The following C14orf39 variants were observed in gnomAD, a reference collection of about 807,000 sequenced individuals.
The protein encoded by C14orf39 is chromosome 14 open reading frame 39.
A neutral mutation model predicts 85.6 loss-of-function variants in C14orf39; 66 were observed. The observed-to-expected ratio is 0.77, with a 90% CI of 0.63 to 0.95. C14orf39 has a LOEUF of 0.95. Among genes scored for constraint, C14orf39 ranks in the 40% least tolerant of loss-of-function variants. The pLI, the probability that C14orf39 is intolerant of heterozygous loss-of-function variation, is 0.00. For missense variants in C14orf39, 735 were observed against 663.9 expected (o/e 1.11, Z -1.18); for synonymous variants, 242 against 214.0 (o/e 1.13, Z -1.14).
At chr14:60,482,224 A>G (rs1892673038) in intron 4 of C14orf39, among the ~76,000 whole-genome samples, 1 of 152,216 alleles carries the variant, frequency 6.6e-6, no homozygotes, top group Non-Finnish European at 1.5e-5. Context: ...CGGGGAAACT[A>G]TTAGTACTTT....
chr14:60,440,525 A>G (rs907802235), intron 17 of C14orf39, among the ~76,000 whole-genome samples: 6 of 152,136 alleles, frequency 3.9e-5, no homozygotes, highest in African/African-American at 1.2e-4. Context: ...CTACTCATCA[A>G]TTCTCACTTT....
At chr14:60,472,963 CCCTGAGGAATTGCCACACTGACTTCCA>C (rs1174585108) in intron 5 of C14orf39, among the ~76,000 whole-genome samples, 2 of 152,120 alleles carry the variant, frequency 1.3e-5, no homozygotes, top group Non-Finnish European at 2.9e-5. Context: ...AGTTCTAGAT[CCCTGAGGAATTGCCACACTGACTTCCA>C]CAATGGTTGA....
At chr14:60,504,282 C>A (rs1022463894) in intron 1 of C14orf39, among the ~76,000 whole-genome samples, 1 of 152,186 alleles carries the variant, frequency 6.6e-6, no homozygotes, top group Non-Finnish European at 1.5e-5. Flanking sequence ...AAGGCTGATG[C>A]CTCTATTTGA....
chr14:60,514,498 AAC>A (rs1237680788), intron 1 of C14orf39, among the ~76,000 whole-genome samples: 1 of 152,128 alleles, frequency 6.6e-6, no homozygotes, highest in African/African-American at 2.4e-5. Context: ...CACCAAAAAA[AAC>A]GACGGCCCCT....
intron 1 of C14orf39, chr14:60,509,381 G>T: frequency 6.3e-7 from 1 of 1,598,136 alleles, no homozygotes; most frequent in African/African-American, 1.3e-5. Context: ...TGCCCTCGCC[G>T]CCGCCGGCAC....
intron 17 of C14orf39, among the ~76,000 whole-genome samples, chr14:60,438,526 T>G (rs562604953): frequency 6.6e-6 from 1 of 152,162 alleles, no homozygotes; most frequent in African/African-American, 2.4e-5. Flanking sequence ...AAAGAACACA[T>G]TACTGTGCAA....
intron 1 of C14orf39, among the ~76,000 whole-genome samples, chr14:60,507,322 G>C (rs1465819806): frequency 1.3e-5 from 2 of 152,072 alleles, no homozygotes; most frequent in Non-Finnish European, 2.9e-5. Context: ...TCTGCACCGC[G>C]GATTCTCCTC....
chr14:60,485,394 T>C (rs1249365820), intron 1 of C14orf39, among the ~76,000 whole-genome samples: 1 of 152,248 alleles, frequency 6.6e-6, no homozygotes, highest in African/African-American at 2.4e-5. Flanking sequence ...CTTCCAGGGT[T>C]CACGGACACC....
At chr14:60,509,051 A>T in intron 1 of C14orf39, 1 of 341,924 alleles carries the variant, frequency 2.9e-6, no homozygotes. Flanking sequence ...GTGCTGAAAT[A>T]GTCCTGGCGT....
intron 1 of C14orf39, among the ~76,000 whole-genome samples, chr14:60,508,118 G>C (rs1266181783): frequency 6.6e-6 from 1 of 152,162 alleles, no homozygotes; most frequent in East Asian, 1.9e-4. Flanking sequence ...CCGCATTGTC[G>C]TGGATGCCCT....
intron 5 of C14orf39, among the ~76,000 whole-genome samples, chr14:60,476,803 C>T (rs1406543746): frequency 1.3e-5 from 2 of 152,082 alleles, no homozygotes; most frequent in Non-Finnish European, 2.9e-5. Flanking sequence ...CTTTAGAGGA[C>T]CCAGAGGAGA....
At chr14:60,449,196 A>C (rs926167573) in intron 16 of C14orf39, among the ~76,000 whole-genome samples, 2 of 152,104 alleles carry the variant, frequency 1.3e-5, no homozygotes, top group Non-Finnish European at 2.9e-5. Context: ...TAAAAAAAGA[A>C]GTTTAGATTT....
chr14:60,483,969 C>T, intron 3 of C14orf39, 152 bp from the exon 4 acceptor site: 1 of 552,012 alleles, frequency 1.8e-6, no homozygotes, highest in Non-Finnish European at 3.1e-6. Flanking sequence ...GGACCGTATA[C>T]TAAAATGCAG....
intron 17 of C14orf39, among the ~76,000 whole-genome samples, chr14:60,441,050 A>C (rs544455991): frequency 6.6e-6 from 1 of 152,292 alleles, no homozygotes; most frequent in South Asian, 2.1e-4. Context: ...GTAAAAAATT[A>C]ACATCAAGCC....
chr14:60,441,305 G>A (rs946843794), intron 17 of C14orf39, among the ~76,000 whole-genome samples: 20 of 152,310 alleles, frequency 1.3e-4, no homozygotes, highest in African/African-American at 4.6e-4. Context: ...CATGCAACAT[G>A]CCTTTTGTCC....
intron 1 of C14orf39, chr14:60,509,898 T>A: frequency 6.2e-7 from 1 of 1,612,894 alleles, no homozygotes; most frequent in Non-Finnish European, 8.5e-7. Context: ...GCAACCGGAC[T>A]GACCCCTACG....
At chr14:60,507,922 G>A (rs957141708) in intron 1 of C14orf39, among the ~76,000 whole-genome samples, 11 of 152,148 alleles carry the variant, frequency 7.2e-5, no homozygotes, top group African/African-American at 2.2e-4. Context: ...CCCTACCACA[G>A]GCCCAGATGA....
Position 60,461,414 on chromosome 14 carries a change from T to C in C14orf39, c.1059-2A>G, listed in dbSNP as rs1891523393. On this transcript the variant is annotated splice_acceptor_variant, in intron 12 of 17. Coordinates refer to ENST00000321731, the MANE Select transcript of C14orf39 (RefSeq NM_174978.3). LOFTEE classifies it high-confidence loss of function. ...GATTGTTTCTGTGGGGTTAACAATC[T>C]AAAATGGAATAAATATAATTTTTGT... The C allele has an allele frequency of 5.0e-6, 8 of 1,604,602 alleles. No homozygotes were observed. The highest frequency in any genetic ancestry group is 1.1e-5 in the South Asian group (1 of 89,808).
In C14orf39 at chr14:60,464,043, A is replaced by G. The variant is rs921186335; in HGVS notation, c.972+1936T>C. Among the ~76,000 whole-genome samples, 5 of 152,118 alleles carry G rather than the reference A, an allele frequency of 3.3e-5. No individual in the cohort carries two copies. The South Asian group carries it at 1.0e-3, about 31-fold the overall frequency. ...CTCTCCTGCAGATAGAGGTACCCAA[A>G]TGACCAAGTTCTGGCCAATGAAATG... On this transcript the variant is annotated intron_variant, in intron 11 of 17. Coordinates refer to ENST00000321731, the MANE Select transcript of C14orf39 (RefSeq NM_174978.3).
Sources: allele counts gnomAD v4.1 joint callset (sites outside exome capture counted in the v4.1 genomes callset), GRCh38; gene constraint gnomAD v4.1.1; transcripts MANE v1.5; gene names NCBI Gene and HGNC (gene_info 2026-07-23, HGNC 2026-07-21).